ACBD6: variants seen among roughly 807,000 people sequenced by gnomAD.
ACBD6 encodes acyl-CoA-binding domain-containing protein 6.
A neutral mutation model predicts 37.2 loss-of-function variants in ACBD6; 28 were observed. The ratio of observed to expected loss-of-function variants is 0.75; its 90% CI spans 0.56 to 1.03. ACBD6 has a LOEUF of 1.03. Among genes scored for constraint, ACBD6 ranks in the 50% least tolerant of loss-of-function variants. The probability of loss-of-function intolerance (pLI) is 0.00; values close to 1 mark genes in which losing one functional copy is unlikely to be tolerated. For synonymous variants in ACBD6, 113 were observed against 126.8 expected, an observed-to-expected ratio of 0.89 and a Z score of 0.73; for missense variants, 340 against 337.4, an observed-to-expected ratio of 1.01 and a Z score of -0.06.
In ACBD6 at chr1:180,430,539, T is replaced by G. The variant is rs141312329; in HGVS notation, c.385-277A>C. ...ACAATTCTCCTAGCTGACTGTGAGA[T>G]GATGTTCAATGTGGTAAATATGGAT... On this transcript the variant is annotated intron_variant, in intron 3 of 7. Transcript: ENST00000367595. Among the ~76,000 whole-genome samples, 271 of 152,194 alleles carry G rather than the reference T, an allele frequency of 1.8e-3. 1 individual carries two copies. The highest frequency in any genetic ancestry group is 6.3e-3 in the African/African-American group (260 of 41,526).
At chr1:180,285,463 T>C (rs1649461013), downstream of ACBD6, among the ~76,000 whole-genome samples, 1 of 152,204 alleles carries the variant, frequency 6.6e-6, no homozygotes, top group Non-Finnish European at 1.5e-5. Flanking sequence ...AATTCACTCA[T>C]AAATATTTAA....
intron 3 of ACBD6, among the ~76,000 whole-genome samples, chr1:180,465,516 T>C (rs1201763878): frequency 1.3e-5 from 2 of 152,224 alleles, no homozygotes; most frequent in Middle Eastern, 3.4e-3. Context: ...CAAAATCAGA[T>C]GCTGGTGAGG....
intron 5 of ACBD6, among the ~76,000 whole-genome samples, chr1:180,400,083 A>G (rs1424251681): frequency 6.6e-6 from 1 of 152,234 alleles, no homozygotes; most frequent in Non-Finnish European, 1.5e-5. Flanking sequence ...TATATCAACT[A>G]AAGCTAAAAT....
rs577235574 is a variant in ACBD6, at chr1:180,441,252, T to C, written c.385-10990A>G. On this transcript the variant is annotated intron_variant, in intron 3 of 7. Coordinates refer to ENST00000367595, the MANE Select transcript of ACBD6 (RefSeq NM_032360.4). ...CCCTACTGGGTATGAAGTGGCCCTG[T>C]TGAAAATCAACTGACCATAAACTTG... Among the ~76,000 whole-genome samples, 28 of 152,328 alleles carry C rather than the reference T, an allele frequency of 1.8e-4. No homozygotes were observed. In the Middle Eastern group the frequency reaches 0.017, roughly 93 times the overall value.
intron 6 of ACBD6, among the ~76,000 whole-genome samples, chr1:180,349,612 ATG>A: frequency 6.6e-6 from 1 of 152,104 alleles, no homozygotes. Flanking sequence ...AATAAATTTT[ATG>A]TGTTGCCAAA....
At chr1:180,459,967 CTTT>C (rs67323272) in intron 3 of ACBD6, among the ~76,000 whole-genome samples, 17 of 107,966 alleles carry the variant, frequency 1.6e-4, no homozygotes, top group Middle Eastern at 5.1e-3. Flanking sequence ...CAGACTGCTT[CTTT>C]TTTTTTTTTT....
intron 5 of ACBD6, among the ~76,000 whole-genome samples, chr1:180,409,903 C>G (rs1395788608): frequency 6.6e-6 from 1 of 152,164 alleles, no homozygotes; most frequent in African/African-American, 2.4e-5. Context: ...TACTGAAAAC[C>G]AACACAGGCC....
intron 6 of ACBD6, among the ~76,000 whole-genome samples, chr1:180,328,272 C>T (rs1396984740): frequency 1.3e-5 from 2 of 150,600 alleles, no homozygotes; most frequent in Non-Finnish European, 3.0e-5. Flanking sequence ...TATTCCTGTA[C>T]AGGTGTGTGT....
intron 7 of ACBD6, among the ~76,000 whole-genome samples, chr1:180,312,210 G>A (rs10798744): frequency 0.88 from 133,284 of 152,144 alleles, 59,092 homozygotes; most frequent in East Asian, 0.98. Flanking sequence ...ATTCATTAAC[G>A]TAGATTATTT....
chr1:180,449,606 C>T (rs981818308), intron 3 of ACBD6, among the ~76,000 whole-genome samples: 11 of 151,994 alleles, frequency 7.2e-5, no homozygotes, highest in African/African-American at 2.7e-4. Flanking sequence ...CAAGGTTTCA[C>T]CATGTTGGCC....
chr1:180,272,898 TG>T (rs1409457210), intron 12 of ACBD6: 1 of 152,222 alleles, frequency 6.6e-6, no homozygotes, highest in Non-Finnish European at 1.5e-5. Context: ...TTTGTATACC[TG>T]GAAGGCATGA....
intron 1 of ACBD6, 94 bp downstream of exon 1, chr1:180,501,951 C>A: frequency 2.9e-5 from 32 of 1,097,824 alleles, no homozygotes; most frequent in Non-Finnish European, 4.1e-5. Flanking sequence ...AGCTTCATTA[C>A]ACCTAGCTAT....
chr1:180,481,392 A>G (rs987550471), intron 3 of ACBD6, among the ~76,000 whole-genome samples: 13 of 152,204 alleles, frequency 8.5e-5, no homozygotes, highest in African/African-American at 3.1e-4. Flanking sequence ...TTTGAAAATC[A>G]TCAACACAGG....
rs369325328 is a variant in ACBD6, at chr1:180,376,754, A to T, written c.663+20762T>A. ...CAGAGATGGCACTCAGGTAGCAGGAACGGGGGAAAAATAACAATCTCTGTG... is the reference window on the plus strand; with the variant it reads ...CAGAGATGGCACTCAGGTAGCAGGATCGGGGGAAAAATAACAATCTCTGTG... On this transcript the variant is annotated intron_variant, in intron 6 of 7. Transcript: ENST00000367595. Among the ~76,000 whole-genome samples the T allele has an allele frequency of 9.8e-5, 15 of 152,306 alleles. No homozygotes were observed. The South Asian group carries it at 3.1e-3, about 32-fold the overall frequency.
chr1:180,311,829 T>C (rs1443533634), intron 7 of ACBD6, among the ~76,000 whole-genome samples: 1 of 152,198 alleles, frequency 6.6e-6, no homozygotes, highest in Non-Finnish European at 1.5e-5. Flanking sequence ...CTTGAATAGA[T>C]GTCTCTTCAT....
At chr1:180,307,513 T>C (rs1297981282) in intron 7 of ACBD6, among the ~76,000 whole-genome samples, 7 of 152,298 alleles carry the variant, frequency 4.6e-5, no homozygotes, top group Non-Finnish European at 7.4e-5. Context: ...AAGAGTTTAA[T>C]TAGATTGTTT....
At chr1:180,483,640 G>T (rs556510782) in intron 3 of ACBD6, among the ~76,000 whole-genome samples, 3 of 151,908 alleles carry the variant, frequency 2.0e-5, no homozygotes, top group African/African-American at 7.3e-5. Flanking sequence ...TTTATATTTG[G>T]TTCAATATAA....
At chr1:180,333,695 G>A (rs980939518) in intron 6 of ACBD6, among the ~76,000 whole-genome samples, 3 of 152,206 alleles carry the variant, frequency 2.0e-5, no homozygotes, top group African/African-American at 4.8e-5. Flanking sequence ...CGCACTGAGC[G>A]TGAGCCAAAG....
intron 3 of ACBD6, among the ~76,000 whole-genome samples, chr1:180,460,324 T>C (rs1241876394): frequency 1.3e-5 from 2 of 151,848 alleles, no homozygotes; most frequent in Non-Finnish European, 2.9e-5. Flanking sequence ...CTTTGCTGTT[T>C]TAGCAACTTA....
Sources: allele counts gnomAD v4.1 joint callset (sites outside exome capture counted in the v4.1 genomes callset), GRCh38; gene constraint gnomAD v4.1.1; transcripts MANE v1.5; gene names NCBI Gene and HGNC (gene_info 2026-07-23, HGNC 2026-07-21).